The following ARID1B variants were observed in gnomAD, a reference collection of about 807,000 sequenced individuals.
ARID1B encodes the protein AT-rich interaction domain 1B, also known as AT-rich interactive domain-containing protein 1B.
A neutral mutation model predicts 212.3 loss-of-function variants in ARID1B; 30 were observed. The ratio of observed to expected loss-of-function variants is 0.14; its 90% CI spans 0.11 to 0.19. ARID1B has a LOEUF of 0.19. Ranked by LOEUF, ARID1B falls within the 10% of genes least tolerant of loss-of-function variation. ARID1B has a pLI of 1.00. For missense variants in ARID1B, 2,891 were observed against 3,204.0 expected, an observed-to-expected ratio of 0.90 and a Z score of 2.36; for synonymous variants, 1,402 against 1,301.7, an observed-to-expected ratio of 1.08 and a Z score of -1.66.
chr6:157,177,111 G>A (rs1041076153), intron 11 of ARID1B, among the ~76,000 whole-genome samples: 8 of 152,100 alleles, frequency 5.3e-5, no homozygotes, highest in African/African-American at 1.9e-4. Flanking sequence ...TTGAAATTGT[G>A]TATTTTTTCT....
intron 3 of ARID1B, among the ~76,000 whole-genome samples, chr6:156,930,071 T>C (rs948381212): frequency 8.5e-5 from 13 of 152,174 alleles, no homozygotes; most frequent in Non-Finnish European, 1.6e-4. Flanking sequence ...TTAAGAACAA[T>C]TTGCCAGTAT....
intron 4 of ARID1B, among the ~76,000 whole-genome samples, chr6:156,949,145 CT>C (rs1793389642): frequency 6.6e-6 from 1 of 152,168 alleles, no homozygotes; most frequent in African/African-American, 2.4e-5. Flanking sequence ...AATGTTTATG[CT>C]GGCTTTCTTG....
At chr6:157,166,354 A>G (rs1319745525) in intron 8 of ARID1B, 2 of 152,222 alleles carry the variant, frequency 1.3e-5, no homozygotes, top group Admixed American at 1.3e-4. Context: ...GTAGGTCTGC[A>G]CCACCCTGGG....
intron 4 of ARID1B, among the ~76,000 whole-genome samples, chr6:156,988,786 G>C (rs1011014631): frequency 6.6e-6 from 1 of 152,164 alleles, no homozygotes; most frequent in African/African-American, 2.4e-5. Flanking sequence ...ACATTGGTGC[G>C]TTTTACTGCC....
At chr6:156,987,490 C>A (rs1191602796) in intron 4 of ARID1B, among the ~76,000 whole-genome samples, 1 of 152,080 alleles carries the variant, frequency 6.6e-6, no homozygotes, top group Non-Finnish European at 1.5e-5. Context: ...GCTACTGCAC[C>A]CGGCTAATTT....
intron 4 of ARID1B, among the ~76,000 whole-genome samples, chr6:156,990,565 AG>A: frequency 6.6e-6 from 1 of 152,046 alleles, no homozygotes; most frequent in Non-Finnish European, 1.5e-5. Flanking sequence ...CACTTGACCG[AG>A]GGAGTTGGTG....
intron 2 of ARID1B, among the ~76,000 whole-genome samples, chr6:156,872,115 C>T (rs903955673): frequency 7.2e-5 from 11 of 152,172 alleles, no homozygotes; most frequent in Admixed American, 2.0e-4. Context: ...AAGCAACAGC[C>T]GCTTCTCAAG....
intron 4 of ARID1B, among the ~76,000 whole-genome samples, chr6:157,076,928 T>G (rs1335905199): frequency 6.6e-6 from 1 of 152,156 alleles, no homozygotes; most frequent in African/African-American, 2.4e-5. Context: ...TCACCAGCAG[T>G]TTTGGAGTAG....
chr6:156,907,133 C>T (rs532431946), intron 3 of ARID1B, among the ~76,000 whole-genome samples: 32 of 152,268 alleles, frequency 2.1e-4, no homozygotes, highest in Middle Eastern at 3.4e-3. Flanking sequence ...TTCTTTGAAA[C>T]GGCTGGCTGT....
intron 4 of ARID1B, among the ~76,000 whole-genome samples, chr6:157,025,378 CAAT>C (rs1461160854): frequency 1.3e-5 from 2 of 152,210 alleles, no homozygotes; most frequent in African/African-American, 2.4e-5. Context: ...AAATGCATAA[CAAT>C]GATGTGTAAG....
In ARID1B at chr6:156,908,899, A is replaced by G. The variant is rs139283767; in HGVS notation, c.2136+7374A>G. ...TTGATTTTGTGAAAGTTTTATTACA[A>G]GAAGAATATACAGATACACAGAATG... On this transcript the variant is annotated intron_variant, in intron 3 of 19. Transcript: ENST00000636930. 5.3e-3 allele frequency among the ~76,000 whole-genome samples: 801 copies of G among 152,238 alleles called. 24 individuals are homozygous for G. The highest frequency in any genetic ancestry group is 0.044 in the Admixed American group (677 of 15,292).
chr6:156,967,011 T>C (rs995153615), intron 4 of ARID1B, among the ~76,000 whole-genome samples: 2 of 152,238 alleles, frequency 1.3e-5, no homozygotes, highest in African/African-American at 2.4e-5. Flanking sequence ...TAAATAACTT[T>C]TAATAGGCTC....
intron 4 of ARID1B, among the ~76,000 whole-genome samples, chr6:157,038,659 A>G (rs753422597): frequency 2.0e-5 from 3 of 152,186 alleles, no homozygotes; most frequent in Non-Finnish European, 2.9e-5. Context: ...AGTATTTAAC[A>G]TATGGTTGTC....
In ARID1B at chr6:157,208,901, A is replaced by T. The variant is rs1794646320; in HGVS notation, c.*1010A>T. ...ACAAAAAAAAAAGAGGGTAATGTAC[A>T]AGTTTCTGTATGTATAAAGTCATGC... On this transcript the variant is annotated 3_prime_UTR_variant, in exon 20 of 20. Transcript: ENST00000636930. 1 of 229,170 alleles carries T rather than the reference A, an allele frequency of 4.4e-6. No individual in the cohort carries two copies. Among genetic ancestry groups the T allele is most frequent in the Admixed American group, 5.7e-5 (1 of 17,668 alleles). The allele number at this position is 229,170 out of a possible 1,614,324, so 14.2% of individuals were successfully genotyped here.
chr6:157,098,070 A>G (rs1466398334), intron 5 of ARID1B, among the ~76,000 whole-genome samples: 1 of 152,206 alleles, frequency 6.6e-6, no homozygotes, highest in Non-Finnish European at 1.5e-5. Flanking sequence ...CTTCTCAAAC[A>G]AAAAAGGAAT....
chr6:156,815,475 C>T (rs1781899127), intron 1 of ARID1B, among the ~76,000 whole-genome samples: 1 of 152,142 alleles, frequency 6.6e-6, no homozygotes, highest in African/African-American at 2.4e-5. Context: ...CTCCCTTTCT[C>T]CCCACACCCA....
At chr6:157,170,779 G>A (rs972409422) in intron 9 of ARID1B, among the ~76,000 whole-genome samples, 2 of 152,166 alleles carry the variant, frequency 1.3e-5, no homozygotes, top group African/African-American at 4.8e-5. Flanking sequence ...GGGTCCTCCC[G>A]GTCAGGGCTG....
In ARID1B at chr6:157,196,148, T is replaced by C. The variant is rs778527910; in HGVS notation, c.4232-17T>C. The C allele has an allele frequency of 3.1e-6, 5 of 1,610,714 alleles. No homozygotes were observed. Among genetic ancestry groups the C allele is most frequent in the Non-Finnish European group, 3.4e-6 (4 of 1,179,280 alleles). On this transcript the variant is annotated splice_polypyrimidine_tract_variant and intron_variant, in intron 15 of 19. Coordinates refer to ENST00000636930, the MANE Select transcript of ARID1B (RefSeq NM_001374828.1). Reference sequence around the variant, plus strand: ...CAGAAATGCCTAAATGTATGCATTTTATTTAAAATATTGCAGTGCCTGGAA... The same window carrying C: ...CAGAAATGCCTAAATGTATGCATTTCATTTAAAATATTGCAGTGCCTGGAA...
intron 13 of ARID1B, among the ~76,000 whole-genome samples, chr6:157,188,235 TA>T (rs1234868814): frequency 6.6e-6 from 1 of 152,134 alleles, no homozygotes; most frequent in Non-Finnish European, 1.5e-5. Flanking sequence ...AAAACTTTTT[TA>T]AAAAAGTCAG....
Sources: gnomAD v4.1 joint callset for allele counts (sites outside exome capture counted in the v4.1 genomes callset) on GRCh38, gnomAD v4.1.1 for gene constraint, MANE v1.5 for transcripts, NCBI Gene and HGNC (gene_info 2026-07-23, HGNC 2026-07-21) for gene names.